C8orf34: variants seen among roughly 807,000 people sequenced by gnomAD.
C8orf34 encodes the protein chromosome 8 open reading frame 34, also known as uncharacterized protein C8orf34.
Under a neutral mutation model 68.3 loss-of-function variants are expected in C8orf34, and 65 were observed. The ratio of observed to expected loss-of-function variants is 0.95; its 90% confidence interval spans 0.78 to 1.17. The LOEUF (loss-of-function observed/expected upper bound fraction) is 1.17. Ranked by LOEUF, C8orf34 falls within the 50% of genes most tolerant of loss-of-function variation. The pLI is 0.00. For missense variants in C8orf34, 664 were observed against 655.4 expected, an observed-to-expected ratio of 1.01 and a Z score of -0.14; for synonymous variants, 244 against 241.2, an observed-to-expected ratio of 1.01 and a Z score of -0.11.
At chr8:68,731,285 A>G (rs1235283415) in intron 10 of C8orf34, among the ~76,000 whole-genome samples, 3 of 152,196 alleles carry the variant, frequency 2.0e-5, no homozygotes, top group Non-Finnish European at 4.4e-5. Flanking sequence ...AACCACATTC[A>G]TCTAATCAAG....
At chr8:68,395,854 A>G (rs1438905712) in intron 1 of C8orf34, among the ~76,000 whole-genome samples, 2 of 152,112 alleles carry the variant, frequency 1.3e-5, no homozygotes. Context: ...ACTAACATCT[A>G]TATTCTATCT....
intron 2 of C8orf34, among the ~76,000 whole-genome samples, chr8:68,440,993 A>G (rs10107903): frequency 0.16 from 24,410 of 151,512 alleles, 2,093 homozygotes; most frequent in South Asian, 0.21. Context: ...TTTAGTAGAG[A>G]CGGGGTTTCA....
At chr8:68,439,256 A>C in intron 1 of C8orf34, 1 of 314,532 alleles carries the variant, frequency 3.2e-6, no homozygotes, top group Non-Finnish European at 5.8e-6. Context: ...ATAAAAACTA[A>C]ATAAATCTTG....
At chr8:68,739,806 C>T (rs894047000) in intron 10 of C8orf34, among the ~76,000 whole-genome samples, 4 of 151,960 alleles carry the variant, frequency 2.6e-5, no homozygotes, top group African/African-American at 9.7e-5. Flanking sequence ...AACAAACAAA[C>T]AAACGAACAA....
chr8:68,435,945 C>T (rs967369502), intron 1 of C8orf34, among the ~76,000 whole-genome samples: 7 of 152,140 alleles, frequency 4.6e-5, no homozygotes, highest in African/African-American at 1.2e-4. Flanking sequence ...TGGTGGCTCA[C>T]GCCTATAATC....
chr8:68,787,391 G>T (rs1823873634), intron 11 of C8orf34, 52 bp from the exon 12 acceptor site: 1 of 1,268,210 alleles, frequency 7.9e-7, no homozygotes, highest in Non-Finnish European at 1.1e-6. Context: ...CCACATTAAT[G>T]TTCATGATAT....
intron 3 of C8orf34, among the ~76,000 whole-genome samples, chr8:68,456,685 G>A (rs1263095833): frequency 6.6e-6 from 1 of 152,128 alleles, no homozygotes; most frequent in African/African-American, 2.4e-5. Context: ...ATAGTTATGT[G>A]TCATAGATAA....
At chr8:68,662,710 T>A (rs1819717613) in intron 8 of C8orf34, among the ~76,000 whole-genome samples, 1 of 152,232 alleles carries the variant, frequency 6.6e-6, no homozygotes, top group African/African-American at 2.4e-5. Flanking sequence ...TGAGAACAGA[T>A]GATACAGGAG....
Position 68,643,032 on chromosome 8 carries a change from G to C in C8orf34, c.1241+2521G>C, listed in dbSNP as rs145283743. 2.7e-3 allele frequency among the ~76,000 whole-genome samples: 411 copies of C among 152,288 alleles called. 2 individuals are homozygous for C. The highest frequency in any genetic ancestry group is 9.5e-3 in the African/African-American group (393 of 41,572). On this transcript the variant is annotated intron_variant, in intron 8 of 13. Coordinates refer to ENST00000518698, the MANE Select transcript of C8orf34 (RefSeq NM_052958.4). ...CGCTAACCTCCTGCTGTGCCAGGAGGTTCCTAACAGGCCACAGACCAGTAC... is the reference window on the plus strand; with the variant it reads ...CGCTAACCTCCTGCTGTGCCAGGAGCTTCCTAACAGGCCACAGACCAGTAC...
intron 8 of C8orf34, among the ~76,000 whole-genome samples, chr8:68,660,927 G>C (rs946164038): frequency 1.3e-5 from 2 of 152,088 alleles, no homozygotes; most frequent in Admixed American, 1.3e-4. Flanking sequence ...CAGCTACAGT[G>C]CAGGGTGGGG....
At position 68,382,390 on chromosome 8, in the gene C8orf34, T is replaced by C. The variant is rs148743557; in HGVS notation, c.327+51051T>C. On this transcript the variant is annotated intron_variant, in intron 1 of 13. Transcript: ENST00000518698. ...TTCCTCATCTGTGATACAGAAATAA[T>C]TATACAATGAACTAAAGTAAATTAA... 5.1e-4 allele frequency among the ~76,000 whole-genome samples: 77 copies of C among 152,362 alleles called. 1 individual carries two copies. In the East Asian group the frequency reaches 0.014, roughly 27 times the overall value.
At chr8:68,754,632 A>G (rs957926481) in intron 10 of C8orf34, among the ~76,000 whole-genome samples, 16 of 152,236 alleles carry the variant, frequency 1.1e-4, no homozygotes, top group Admixed American at 6.5e-4. Context: ...ATGAAGCTGT[A>G]CTATTTGCAT....
rs770320333 is a variant in C8orf34 at position 68,331,248 on chromosome 8, C to T, written c.236C>T (p.Ser79Phe). The change falls in exon 1 of 14, where the codon TCT becomes TTT. Residue 79 changes from serine to phenylalanine, a missense_variant. By Grantham distance (155) the Ser-to-Phe change is radical (BLOSUM62 -2). Coordinates refer to ENST00000518698, the MANE Select transcript of C8orf34 (RefSeq NM_052958.4). ...GAQPRVLPALSSRSHLFPMAS... is the reference protein window; with the variant it reads ...GAQPRVLPALFSRSHLFPMAS... The stretch of plus-strand genomic sequence containing the variant: ...CAGCCGCGCGTTCTCCCTGCACTCT[C>T]TTCGCGGTCCCATCTGTTCCCCATG... 4.4e-5 allele frequency: 67 copies of T among 1,536,220 alleles called. No homozygotes were observed. Among genetic ancestry groups the T allele is most frequent in the Non-Finnish European group, 5.7e-5 (65 of 1,146,960 alleles).
intron 4 of C8orf34, among the ~76,000 whole-genome samples, chr8:68,487,239 G>A (rs1418766750): frequency 1.3e-5 from 2 of 152,150 alleles, no homozygotes; most frequent in African/African-American, 4.8e-5. Flanking sequence ...AAGAGCCCTT[G>A]CCATTTCAGG....
intron 8 of C8orf34, among the ~76,000 whole-genome samples, chr8:68,700,615 C>T (rs1820986507): frequency 6.6e-6 from 1 of 152,060 alleles, no homozygotes. Context: ...ATGTTGTGGA[C>T]AGTATCAGAC....
intron 5 of C8orf34, among the ~76,000 whole-genome samples, chr8:68,496,328 G>T (rs768483662): frequency 8.5e-5 from 13 of 152,128 alleles, no homozygotes; most frequent in Non-Finnish European, 1.3e-4. Context: ...CCATGAGAAA[G>T]CTCTCATGAT....
In C8orf34 at chr8:68,535,679, A is replaced by G. The variant is rs928662356; in HGVS notation, c.1105+2530A>G. The G allele has an allele frequency of 9.4e-6, 7 of 746,444 alleles. No individual in the cohort carries two copies. The African/African-American group carries it at 9.5e-5, about 10-fold the overall frequency. 46.2% of individuals were successfully genotyped at this position (746,444 alleles called of 1,614,324 possible). On this transcript the variant is annotated intron_variant, in intron 7 of 13. Transcript: ENST00000518698. ...TTTCTTTTCTAAATGTTTTAGGCAT[A>G]TGAAAATATTATAGTACAACACCTG...
chr8:68,387,367 A>T (rs1262676407), intron 1 of C8orf34, among the ~76,000 whole-genome samples: 1 of 152,124 alleles, frequency 6.6e-6, no homozygotes, highest in African/African-American at 2.4e-5. Context: ...AATGATGATG[A>T]CCTAACCTAG....
At chr8:68,784,555 G>T (rs956737502) in intron 11 of C8orf34, among the ~76,000 whole-genome samples, 8 of 152,158 alleles carry the variant, frequency 5.3e-5, no homozygotes, top group African/African-American at 1.9e-4. Flanking sequence ...TAAGGGTGGA[G>T]AATTTACATA....
Sources: gnomAD v4.1 joint callset for allele counts (sites outside exome capture counted in the v4.1 genomes callset) on GRCh38, gnomAD v4.1.1 for gene constraint, MANE v1.5 for transcripts, NCBI Gene and HGNC (gene_info 2026-07-23, HGNC 2026-07-21) for gene names.